Variants in PPP2R2B observed in about 807,000 individuals in gnomAD.
PPP2R2B encodes the protein protein phosphatase 2 regulatory subunit Bbeta.
Under a neutral mutation model 46.0 loss-of-function variants are expected in PPP2R2B, and 5 were observed. That is an observed-to-expected ratio of 0.11 (90% CI 0.06 to 0.23). The LOEUF is 0.23. Ranked by LOEUF, PPP2R2B falls within the 10% of genes least tolerant of loss-of-function variation. The pLI, the probability that PPP2R2B is intolerant of heterozygous loss-of-function variation, is 1.00. For synonymous variants in PPP2R2B, 215 were observed against 206.7 expected (o/e 1.04, Z -0.34); for missense variants, 367 against 575.0 (o/e 0.64, Z 3.70).
chr5:146,952,351 C>A (rs897691862), intron 1 of PPP2R2B, among the ~76,000 whole-genome samples: 2 of 152,066 alleles, frequency 1.3e-5, no homozygotes, highest in Admixed American at 6.6e-5. Context: ...CCTGCTGGGG[C>A]ACCTCTTTTC....
At chr5:147,055,670 G>A (rs760254482) in exon 1 of PPP2R2B, 2 of 1,609,754 alleles carry the variant, frequency 1.2e-6, no homozygotes, top group Non-Finnish European at 1.7e-6. Context: ...TGTACCTTCT[G>A]TGTGGCAGCT....
intron 1 of PPP2R2B, among the ~76,000 whole-genome samples, chr5:146,920,397 CTGTCA>C (rs1413903254): frequency 2.6e-5 from 4 of 152,124 alleles, no homozygotes; most frequent in Non-Finnish European, 5.9e-5. Flanking sequence ...CTTGTTGAGG[CTGTCA>C]ACCATGGGCC....
chr5:146,911,809 G>A (rs911738792), intron 1 of PPP2R2B, among the ~76,000 whole-genome samples: 2 of 152,222 alleles, frequency 1.3e-5, no homozygotes, highest in East Asian at 3.8e-4. Context: ...TGCCTAGAAT[G>A]TGTAGCACAC....
intron 2 of PPP2R2B, among the ~76,000 whole-genome samples, chr5:146,777,821 A>G (rs769813408): frequency 6.6e-6 from 1 of 152,204 alleles, no homozygotes; most frequent in Admixed American, 6.5e-5. Flanking sequence ...GGCAAAATGT[A>G]ATTGGTTAAA....
chr5:146,589,492 AAAC>A lies in PPP2R2B; in HGVS notation c.*452_*454del, dbSNP rs773306972. ...TACTGACTAGTTCTGGTTTTTCACA[AAAC>A]AAGAAGAATTTGTCTAAGAGTAAAC... On this transcript the variant is annotated 3_prime_UTR_variant, in exon 10 of 10. Coordinates refer to ENST00000394411, the MANE Select transcript of PPP2R2B (RefSeq NM_181675.4). The A allele has an allele frequency of 6.4e-6, 1 of 155,656 alleles. No homozygotes were observed. Among genetic ancestry groups the A allele is most frequent in the South Asian group, 2.0e-4 (1 of 5,026 alleles). 9.6% of individuals were successfully genotyped at this position (155,656 alleles called of 1,614,324 possible).
At chr5:146,716,999 T>C (rs895274094) in intron 2 of PPP2R2B, among the ~76,000 whole-genome samples, 2 of 152,216 alleles carry the variant, frequency 1.3e-5, no homozygotes, top group Non-Finnish European at 2.9e-5. Context: ...ATAGCAAACA[T>C]GACATAAATG....
At chr5:146,619,372 C>T (rs140128783) in intron 7 of PPP2R2B, among the ~76,000 whole-genome samples, 1 of 151,890 alleles carries the variant, frequency 6.6e-6, no homozygotes, top group African/African-American at 2.4e-5. Context: ...CCCAGCTCCT[C>T]CAGAGGCTGA....
intron 2 of PPP2R2B, among the ~76,000 whole-genome samples, chr5:146,727,919 C>T (rs749102080): frequency 6.6e-6 from 1 of 151,984 alleles, no homozygotes; most frequent in African/African-American, 2.4e-5. Context: ...TTACTTTATA[C>T]TTCTATGAGT....
intron 1 of PPP2R2B, among the ~76,000 whole-genome samples, chr5:147,026,155 C>T (rs1197020458): frequency 6.6e-6 from 1 of 152,032 alleles, no homozygotes; most frequent in East Asian, 1.9e-4. Context: ...GATAGATCTC[C>T]ATATAAAGAA....
At chr5:146,590,915 T>G (rs1307492114) in intron 9 of PPP2R2B, among the ~76,000 whole-genome samples, 5 of 150,490 alleles carry the variant, frequency 3.3e-5, no homozygotes, top group Admixed American at 1.3e-4. Context: ...TTTTATATGG[T>G]TTTTTTCCCA....
chr5:146,821,966 T>C (rs1350132680), intron 2 of PPP2R2B, among the ~76,000 whole-genome samples: 2 of 152,196 alleles, frequency 1.3e-5, no homozygotes, highest in African/African-American at 4.8e-5. Context: ...GTAACTGTGT[T>C]CAGAACACAC....
At chr5:146,811,624 G>A (rs1018930520) in intron 2 of PPP2R2B, among the ~76,000 whole-genome samples, 10 of 140,578 alleles carry the variant, frequency 7.1e-5, no homozygotes, top group South Asian at 4.6e-4. Flanking sequence ...GCAGTGGCGC[G>A]ATCTCGGCTC....
rs1770263290 is a variant in PPP2R2B at position 146,588,137 on chromosome 5, G to A, written c.*1810C>T. On this transcript the variant is annotated 3_prime_UTR_variant, in exon 10 of 10. Coordinates refer to ENST00000394411, the MANE Select transcript of PPP2R2B (RefSeq NM_181675.4). ...AGTTTACACCTTAGCCACTTTACTT[G>A]AGATGCCTAAGGCGAGGCTTTCCTT... 6.6e-6 allele frequency: 1 copy of A among 152,168 alleles called. No homozygotes were observed. Among genetic ancestry groups the A allele is most frequent in the Non-Finnish European group, 1.5e-5 (1 of 68,024 alleles). 9.4% of individuals were successfully genotyped at this position (152,168 alleles called of 1,614,324 possible).
intron 1 of PPP2R2B, among the ~76,000 whole-genome samples, chr5:146,984,548 G>A (rs937121184): frequency 2.0e-5 from 3 of 152,156 alleles, no homozygotes; most frequent in African/African-American, 4.8e-5. Context: ...ATAAACATGG[G>A]ACTGCAGACA....
chr5:146,951,007 G>A (rs552605674), intron 1 of PPP2R2B, among the ~76,000 whole-genome samples: 1 of 151,872 alleles, frequency 6.6e-6, no homozygotes, highest in Non-Finnish European at 1.5e-5. Context: ...TAGAGATAAG[G>A]TCAAGCATCT....
At chr5:147,077,306 A>C (rs981549643) in intron 2 of PPP2R2B, among the ~76,000 whole-genome samples, 4 of 141,130 alleles carry the variant, frequency 2.8e-5, no homozygotes, top group East Asian at 2.0e-4. Context: ...ACACACACAC[A>C]CACACCCACA....
rs111713382 is a variant in PPP2R2B, at chr5:146,723,824, C to T, written c.71-22682G>A. On this transcript the variant is annotated intron_variant, in intron 2 of 9. Coordinates refer to ENST00000394411, the MANE Select transcript of PPP2R2B (RefSeq NM_181675.4). ...TAAATGTTTATTTCTCTTCCTCCCA[C>T]CTTACAAAAGCTCCTCCCCCTCTTG... Among the ~76,000 whole-genome samples the T allele has an allele frequency of 3.1e-3, 476 of 152,264 alleles. 1 individual carries two copies. The highest frequency in any genetic ancestry group is 0.011 in the African/African-American group (443 of 41,544).
At chr5:146,730,257 C>T (rs758147997) in intron 2 of PPP2R2B, among the ~76,000 whole-genome samples, 14 of 152,202 alleles carry the variant, frequency 9.2e-5, no homozygotes, top group Non-Finnish European at 2.1e-4. Context: ...TTTTGAATAG[C>T]TGGATTTATC....
chr5:147,050,163 C>A lies in PPP2R2B; in HGVS notation c.79+5502G>T, dbSNP rs115733354. On this transcript the variant is annotated intron_variant, in intron 1 of 8. Transcript: ENST00000336640. ...TAATTCATGCATTGTACATAAAATT[C>A]AAAAAATATGTTTCAGACATAAAGC... Among the ~76,000 whole-genome samples, 873 of 152,156 alleles carry A rather than the reference C, an allele frequency of 5.7e-3. 5 individuals are homozygous for A. Among genetic ancestry groups the A allele is most frequent in the African/African-American group, 0.02 (825 of 41,522 alleles).
Sources: gnomAD v4.1 joint callset for allele counts (sites outside exome capture counted in the v4.1 genomes callset) on GRCh38, gnomAD v4.1.1 for gene constraint, MANE v1.5 for transcripts, NCBI Gene and HGNC (gene_info 2026-07-23, HGNC 2026-07-21) for gene names.